Variants in EPX observed in about 807,000 individuals in gnomAD.
EPX encodes the protein eosinophil peroxidase.
In EPX, 60 loss-of-function variants were observed where a neutral mutation model predicts 73.0. The observed-to-expected ratio is 0.82, with a 90% CI of 0.67 to 1.02. The LOEUF (loss-of-function observed/expected upper bound fraction) is 1.02, where lower values mean the gene tolerates loss of function less well. Among genes scored for constraint, EPX ranks in the 50% least tolerant of loss-of-function variants. The pLI is 0.00. For synonymous variants in EPX, 347 were observed against 389.2 expected, an observed-to-expected ratio of 0.89 and a Z score of 1.28; for missense variants, 950 against 973.9, an observed-to-expected ratio of 0.98 and a Z score of 0.33.
chr17:58,199,215 A>C lies in EPX; in HGVS notation c.1281+15A>C, dbSNP rs1408522123. The C allele has an allele frequency of 6.2e-7, 1 of 1,612,410 alleles. No individual in the cohort carries two copies. On this transcript the variant is annotated intron_variant, in intron 8 of 12. Coordinates refer to ENST00000225371, the MANE Select transcript of EPX (RefSeq NM_000502.6). ...CCATGGTCCAGGTAAGGAGCTCTGC[A>C]TCCCAGCATCCCCCAGATGACAAGC...
At chr17:58,203,704 G>A (rs1188660850) in intron 11 of EPX, among the ~76,000 whole-genome samples, 10 of 151,776 alleles carry the variant, frequency 6.6e-5, no homozygotes, top group African/African-American at 2.4e-4. Context: ...AGGCCGAGGC[G>A]GGCGGATCAC....
At chr17:58,196,276 T>A (rs969268046) in intron 6 of EPX, among the ~76,000 whole-genome samples, 1 of 151,922 alleles carries the variant, frequency 6.6e-6, no homozygotes, top group African/African-American at 2.4e-5. Context: ...CCTGGCTAAT[T>A]TTTGTATTTT....
intron 8 of EPX, 150 bp from the exon 9 acceptor site, chr17:58,199,389 C>A: frequency 9.0e-7 from 1 of 1,108,968 alleles, no homozygotes; most frequent in Non-Finnish European, 1.3e-6. Flanking sequence ...CTCACCCTCT[C>A]TGGGCTTTGT....
intron 7 of EPX, among the ~76,000 whole-genome samples, 197 bp from the exon 8 acceptor site, chr17:58,198,843 T>A (rs936467178): frequency 2.6e-5 from 4 of 152,152 alleles, no homozygotes; most frequent in African/African-American, 9.7e-5. Flanking sequence ...GAACCCCCGG[T>A]CCTTCCGCTC....
At chr17:58,195,275 G>T (rs1968240576) in intron 6 of EPX, 105 bp downstream of exon 6, 3 of 878,200 alleles carry the variant, frequency 3.4e-6, no homozygotes, top group East Asian at 4.8e-5. Flanking sequence ...TTAAGGAGCT[G>T]CCTGTGGAGC....
At chr17:58,201,277 G>A (rs984947710) in intron 10 of EPX, among the ~76,000 whole-genome samples, 5 of 152,298 alleles carry the variant, frequency 3.3e-5, no homozygotes, top group African/African-American at 7.2e-5. Context: ...CAGGCACTCC[G>A]GAAACCTGAG....
In EPX at chr17:58,204,087, C is replaced by G. The variant is rs1328734911; in HGVS notation, c.1947-135C>G. ...TTTGGCCACTGAATTTGTTTCATTT[C>G]TGAGATTCCAATCTTGCAGGAATTT... On this transcript the variant is annotated intron_variant, in intron 11 of 12. Transcript: ENST00000225371. 6 of 719,718 alleles carry G rather than the reference C, an allele frequency of 8.3e-6. No individual in the cohort carries two copies. The Admixed American group carries it at 1.2e-4, about 15-fold the overall frequency. The allele number at this position is 719,718 out of a possible 1,614,324, so 44.6% of individuals were successfully genotyped here. A position where few individuals can be genotyped will look rare whatever the true frequency, so the allele number is the denominator to read the frequency against.
At chr17:58,195,259 C>G in intron 6 of EPX, 89 bp downstream of exon 6, 1 of 1,056,968 alleles carries the variant, frequency 9.5e-7, no homozygotes, top group East Asian at 2.4e-5. Flanking sequence ...GACTGGAGCA[C>G]CATCCTTAAG....
intron 9 of EPX, 122 bp downstream of exon 9, chr17:58,199,916 G>A (rs558230015): frequency 1.1e-5 from 12 of 1,099,650 alleles, no homozygotes; most frequent in Non-Finnish European, 1.3e-6. Context: ...TATCTCCCCA[G>A]GACAGTGGAA....
At chr17:58,195,679 C>T (rs1025747544) in intron 6 of EPX, among the ~76,000 whole-genome samples, 6 of 151,454 alleles carry the variant, frequency 4.0e-5, no homozygotes, top group Admixed American at 3.3e-4. Context: ...GGTTGACACA[C>T]GTGCACACAC....
At position 58,193,804 on chromosome 17, in the gene EPX, G is replaced by T. The variant is rs147335188; in HGVS notation, c.437G>T (p.Arg146Leu). ...GCCGAGCGCTGCAGCGACAAGTACC[G>T]CACCATCACTGGACGGTGCAACAAC... The part of the protein sequence containing the change: ...DQAERCSDKY[R>L]TITGRCNNKR... The change falls in exon 4 of 13, where the codon CGC becomes CTC. Residue 146 changes from arginine (R) to leucine (L), a missense_variant. Physicochemically the swap from Arg to Leu is moderately radical, Grantham distance 102. Coordinates refer to ENST00000225371, the MANE Select transcript of EPX (RefSeq NM_000502.6). The T allele has an allele frequency of 1.9e-6, 3 of 1,613,218 alleles. No homozygotes were observed. Among genetic ancestry groups the T allele is most frequent in the South Asian group, 1.1e-5 (1 of 91,046 alleles).
At chr17:58,192,989 A>T in intron 1 of EPX, 49 bp from the exon 2 acceptor site, 1 of 1,595,242 alleles carries the variant, frequency 6.3e-7, no homozygotes, top group East Asian at 2.2e-5. Flanking sequence ...TGGGTCTTGG[A>T]GGGGGTCTTG....
intron 6 of EPX, among the ~76,000 whole-genome samples, chr17:58,196,066 G>A (rs546040027): frequency 2.4e-4 from 22 of 92,348 alleles, no homozygotes; most frequent in South Asian, 1.7e-3. Flanking sequence ...TCTTTCTTCC[G>A]TCCTTTCTTT....
chr17:58,193,873 A>T lies in EPX; in HGVS notation c.464+42A>T, dbSNP rs2143704648. ...AGGAGGGGCTGCCCCTGCCTGGGGG[A>T]CCTCTCCCTTCCTGCACCCACCCTC... On this transcript the variant is annotated intron_variant, in intron 4 of 12. Coordinates refer to ENST00000225371, the MANE Select transcript of EPX (RefSeq NM_000502.6). 2.5e-6 allele frequency: 4 copies of T among 1,599,370 alleles called. No individual in the cohort carries two copies. In the Middle Eastern group the frequency reaches 6.6e-4, roughly 265 times the overall value.
At chr17:58,200,874 C>T (rs1021740247) in intron 10 of EPX, among the ~76,000 whole-genome samples, 2 of 152,152 alleles carry the variant, frequency 1.3e-5, no homozygotes, top group African/African-American at 4.8e-5. Context: ...GGTGAGGGCA[C>T]AAATGACTTT....
intron 5 of EPX, 36 bp downstream of exon 5, chr17:58,194,128 T>A: frequency 5.0e-6 from 8 of 1,609,774 alleles, no homozygotes; most frequent in Non-Finnish European, 6.8e-6. Flanking sequence ...GGTTGCTTGA[T>A]CTCTTAAATG....
At chr17:58,193,647 A>G (rs989139447) in intron 3 of EPX, 67 bp from the exon 4 acceptor site, 1 of 1,546,552 alleles carries the variant, frequency 6.5e-7, no homozygotes, top group Non-Finnish European at 8.9e-7. Flanking sequence ...TGCTGGGAGG[A>G]GAGAGGGTAA....
chr17:58,196,791 G>A, intron 6 of EPX, 148 bp from the exon 7 acceptor site: 1 of 691,826 alleles, frequency 1.4e-6, no homozygotes, highest in African/African-American at 1.8e-5. Flanking sequence ...CAGACTGACG[G>A]GGTGAGCAGC....
In EPX at chr17:58,193,948, CA is replaced by C; in HGVS notation, c.465-14del. 6.2e-7 allele frequency: 1 copy of C among 1,612,940 alleles called. No homozygotes were observed. Among genetic ancestry groups the C allele is most frequent in the Non-Finnish European group, 8.5e-7 (1 of 1,180,000 alleles). On this transcript the variant is annotated splice_polypyrimidine_tract_variant and intron_variant, in intron 4 of 12. Coordinates refer to ENST00000225371, the MANE Select transcript of EPX (RefSeq NM_000502.6). ...GGCCCTGCCCCCTGCTAACCTATCCCACCCATGGCTGCAGGAGGAGACCCTT... is the reference window on the plus strand; with the variant it reads ...GGCCCTGCCCCCTGCTAACCTATCCCCCCATGGCTGCAGGAGGAGACCCTT...
Sources: allele counts gnomAD v4.1 joint callset (sites outside exome capture counted in the v4.1 genomes callset), GRCh38; gene constraint gnomAD v4.1.1; transcripts MANE v1.5; gene names NCBI Gene and HGNC (gene_info 2026-07-23, HGNC 2026-07-21).